MAGI1: variants seen among roughly 807,000 people sequenced by gnomAD.
MAGI1 encodes the protein membrane associated guanylate kinase, WW and PDZ domain containing 1, also known as membrane-associated guanylate kinase, WW and PDZ domain-containing protein 1.
A neutral mutation model predicts 139.9 loss-of-function variants in MAGI1; 58 were observed. The observed-to-expected ratio is 0.41, with a 90% CI of 0.34 to 0.52. The LOEUF is 0.52. MAGI1 is among the 20% of genes least tolerant of loss of function. The pLI is 0.12. For synonymous variants in MAGI1, 812 were observed against 737.9 expected (o/e 1.10, Z -1.63); for missense variants, 1,874 against 1,901.6 (o/e 0.99, Z 0.27).
chr3:65,748,272 G>A lies in MAGI1; in HGVS notation c.314-126184C>T, dbSNP rs1017023671. ...CAAAAACTGCCCTCAAAGAGTTGCT[G>A]AGAACAGTGACATTAAGCAGGCCCC... On this transcript the variant is annotated intron_variant, in intron 1 of 22. Coordinates refer to ENST00000402939, the MANE Select transcript of MAGI1 (RefSeq NM_001033057.2). Among the ~76,000 whole-genome samples the A allele has an allele frequency of 3.3e-4, 50 of 152,144 alleles. 1 individual carries two copies. The highest frequency in any genetic ancestry group is 3.2e-3 in the Admixed American group (49 of 15,280).
chr3:65,383,871 G>C (rs146939459), intron 14 of MAGI1, among the ~76,000 whole-genome samples: 63 of 152,292 alleles, frequency 4.1e-4, no homozygotes, highest in African/African-American at 1.3e-3. Flanking sequence ...TCCGAATCAA[G>C]CCCAAGCCAT....
intron 6 of MAGI1, among the ~76,000 whole-genome samples, chr3:65,449,781 C>G (rs1948913006): frequency 6.6e-6 from 1 of 151,970 alleles, no homozygotes; most frequent in African/African-American, 2.4e-5. Context: ...TCTCAAAAAA[C>G]AGAATCAGAC....
chr3:65,490,666 A>G (rs1951944262), intron 3 of MAGI1, among the ~76,000 whole-genome samples: 1 of 151,866 alleles, frequency 6.6e-6, no homozygotes, highest in African/African-American at 2.4e-5. Context: ...CAACACGGTG[A>G]AACCCTGTCT....
chr3:65,967,385 G>A (rs1427015321), intron 1 of MAGI1, among the ~76,000 whole-genome samples: 1 of 152,158 alleles, frequency 6.6e-6, no homozygotes, highest in East Asian at 1.9e-4. Context: ...CCTCCTCAAA[G>A]ATGGAAGCGT....
chr3:65,907,194 C>T (rs1291282079), intron 1 of MAGI1, among the ~76,000 whole-genome samples: 1 of 152,136 alleles, frequency 6.6e-6, no homozygotes, highest in Admixed American at 6.5e-5. Context: ...AAAAATATTA[C>T]TGCTTAACTC....
intron 1 of MAGI1, among the ~76,000 whole-genome samples, chr3:65,664,888 T>C (rs1368325518): frequency 6.6e-6 from 1 of 152,168 alleles, no homozygotes; most frequent in East Asian, 1.9e-4. Context: ...CCTCCAATTG[T>C]AGTGCTGAAG....
At chr3:65,921,190 T>C (rs1490717992) in intron 1 of MAGI1, among the ~76,000 whole-genome samples, 1 of 152,294 alleles carries the variant, frequency 6.6e-6, no homozygotes, top group Middle Eastern at 3.4e-3. Flanking sequence ...TTTAACAATG[T>C]TTGCCATGTT....
chr3:65,477,715 T>TATTATTATTA (rs11436319), intron 4 of MAGI1, among the ~76,000 whole-genome samples: 12 of 147,894 alleles, frequency 8.1e-5, no homozygotes, highest in African/African-American at 2.7e-4. Flanking sequence ...ATTATTATTT[T>TATTATTATTA]TTTTTTTTTA....
At chr3:65,866,351 CT>C (rs60871707) in intron 1 of MAGI1, among the ~76,000 whole-genome samples, 22,977 of 133,094 alleles carry the variant, frequency 0.17, 2,285 homozygotes, top group East Asian at 0.36. Flanking sequence ...GTGCCTACTT[CT>C]TTTTTTTTTT....
intron 10 of MAGI1, among the ~76,000 whole-genome samples, chr3:65,433,257 T>C (rs1273763914): frequency 2.6e-5 from 4 of 152,200 alleles, no homozygotes; most frequent in Non-Finnish European, 5.9e-5. Flanking sequence ...TGTTTGGTTG[T>C]TGGAGCTTTT....
chr3:65,746,899 C>T (rs557079843), intron 1 of MAGI1, among the ~76,000 whole-genome samples: 2 of 152,314 alleles, frequency 1.3e-5, no homozygotes, highest in South Asian at 4.1e-4. Flanking sequence ...GGGGAACTTA[C>T]AGTCTAGTAG....
In MAGI1 at chr3:65,441,180, C is replaced by G. The variant is rs1354262412; in HGVS notation, c.1137-1168G>C. Reference sequence around the variant, plus strand: ...TTCACCATGTAGGCCAGGCTGGTCTCGAACTCCTGACCTCAAGTGATCCAC... The same window carrying G: ...TTCACCATGTAGGCCAGGCTGGTCTGGAACTCCTGACCTCAAGTGATCCAC... On this transcript the variant is annotated intron_variant, in intron 8 of 22. Transcript: ENST00000402939. Among the ~76,000 whole-genome samples the G allele has an allele frequency of 2.0e-5, 3 of 151,976 alleles. No homozygotes were observed. The East Asian group carries it at 5.8e-4, about 29-fold the overall frequency.
chr3:65,569,702 C>T (rs2080852824), intron 2 of MAGI1, among the ~76,000 whole-genome samples: 1 of 139,664 alleles, frequency 7.2e-6, no homozygotes, highest in African/African-American at 2.6e-5. Context: ...CATAATGAGA[C>T]CCTGTCTCTA....
At chr3:65,412,813 A>G (rs890082490) in intron 12 of MAGI1, among the ~76,000 whole-genome samples, 1 of 152,154 alleles carries the variant, frequency 6.6e-6, no homozygotes, top group Non-Finnish European at 1.5e-5. Context: ...ACAGAGAACA[A>G]GGTTCCGCTG....
At chr3:65,516,492 T>C (rs1170799421) in intron 2 of MAGI1, among the ~76,000 whole-genome samples, 1 of 151,938 alleles carries the variant, frequency 6.6e-6, no homozygotes, top group African/African-American at 2.4e-5. Flanking sequence ...TGTCTCTTTT[T>C]AAAAGTATAA....
intron 1 of MAGI1, among the ~76,000 whole-genome samples, chr3:65,931,312 C>G (rs981088266): frequency 6.6e-6 from 1 of 152,184 alleles, no homozygotes; most frequent in Non-Finnish European, 1.5e-5. Flanking sequence ...AGATTACAGG[C>G]ATGAGCCACC....
chr3:65,530,770 TATAC>T (rs1159105431), intron 2 of MAGI1, among the ~76,000 whole-genome samples: 1,524 of 7,740 alleles, frequency 0.2, 183 homozygotes, highest in African/African-American at 0.37. Context: ...TATATATATA[TATAC>T]ACACATATAT....
chr3:65,843,500 A>G (rs1349267862), intron 1 of MAGI1, among the ~76,000 whole-genome samples: 3 of 152,240 alleles, frequency 2.0e-5, no homozygotes, highest in Non-Finnish European at 4.4e-5. Flanking sequence ...CTTGTGGAGT[A>G]AAGTAAATAA....
intron 1 of MAGI1, among the ~76,000 whole-genome samples, chr3:66,023,845 C>T (rs148997740): frequency 3.0e-4 from 45 of 152,242 alleles, no homozygotes; most frequent in African/African-American, 1.0e-3. Flanking sequence ...ACGTGAACAT[C>T]AATTTCAAGA....
Sources: gnomAD v4.1 joint callset for allele counts (sites outside exome capture counted in the v4.1 genomes callset) on GRCh38, gnomAD v4.1.1 for gene constraint, MANE v1.5 for transcripts, NCBI Gene and HGNC (gene_info 2026-07-23, HGNC 2026-07-21) for gene names.